CDH20: variants seen among roughly 807,000 people sequenced by gnomAD.
CDH20 encodes cadherin-20.
In CDH20, 29 loss-of-function variants were observed where a neutral mutation model predicts 74.2. That is an observed-to-expected ratio of 0.39 (90% CI 0.29 to 0.53). CDH20 has a LOEUF of 0.53. Ranked by LOEUF, CDH20 falls within the 20% of genes least tolerant of loss-of-function variation. CDH20 has a pLI of 0.69. For missense variants in CDH20, 988 were observed against 1,048.3 expected (o/e 0.94, Z 0.79); for synonymous variants, 469 against 405.4 (o/e 1.16, Z -1.88).
Position 61,554,037 on chromosome 18 carries a change from G to T in CDH20, c.1901-153G>T, listed in dbSNP as rs115353037. ...AAGAGGACAAAGTGGACTTAAATTA[G>T]AACTCCCCGAGGTTTCAGATATCCA... On this transcript the variant is annotated intron_variant, in intron 11 of 11. Transcript: ENST00000262717. Among the ~76,000 whole-genome samples the T allele has an allele frequency of 6.6e-3, 1,006 of 152,270 alleles. 11 individuals carry two copies. The highest frequency in any genetic ancestry group is 0.021 in the African/African-American group (890 of 41,544).
chr18:61,365,366 G>T (rs544724592), intron 1 of CDH20, among the ~76,000 whole-genome samples: 3 of 152,154 alleles, frequency 2.0e-5, no homozygotes, highest in Non-Finnish European at 2.9e-5. Flanking sequence ...ATATTAAATG[G>T]TCCCAGATGC....
chr18:61,420,978 G>A (rs1482118202), intron 1 of CDH20, among the ~76,000 whole-genome samples: 1 of 152,160 alleles, frequency 6.6e-6, no homozygotes, highest in Non-Finnish European at 1.5e-5. Context: ...TTGAACCTGG[G>A]AGGCAGAGGT....
chr18:61,509,084 T>C (rs1911687890), intron 6 of CDH20, among the ~76,000 whole-genome samples: 1 of 151,942 alleles, frequency 6.6e-6, no homozygotes, highest in Non-Finnish European at 1.5e-5. Context: ...GAAAGAGTGG[T>C]AGAGGGGCAA....
chr18:61,554,663 G>T lies in CDH20; in HGVS notation c.2374G>T (p.Gly792Trp), dbSNP rs767194637. ...PRFRKLAELY[G>W]ASEGPAPLW ...CTTCCGGAAGCTGGCCGAGCTCTAC[G>T]GGGCGTCGGAGGGACCCGCGCCGCT... The change falls in exon 12 of 12, where the codon GGG becomes TGG. Residue 792 changes from glycine to tryptophan, a missense_variant. Around this residue, in one of 2 missense-constraint regions of CDH20, gnomAD observed 375 missense variants for 293.1 expected, o/e 1.28. Transcript: ENST00000262717. The T allele has an allele frequency of 1.3e-6, 2 of 1,590,190 alleles. No homozygotes were observed. The highest frequency in any genetic ancestry group is 1.7e-6 in the Non-Finnish European group (2 of 1,168,552).
intron 1 of CDH20, among the ~76,000 whole-genome samples, chr18:61,362,072 GC>G (rs1910711059): frequency 6.6e-6 from 1 of 152,110 alleles, no homozygotes; most frequent in African/African-American, 2.4e-5. Flanking sequence ...CAAGTCTGAG[GC>G]AGATGGAGGA....
In CDH20 at chr18:61,476,137, T is replaced by C. The variant is rs556128214; in HGVS notation, c.-152-14265T>C. Among the ~76,000 whole-genome samples the C allele has an allele frequency of 1.2e-4, 19 of 152,218 alleles. No homozygotes were observed. In the South Asian group the frequency reaches 3.5e-3, roughly 28 times the overall value. ...CTCGCCACATCCCCGTTAAGATGCG[T>C]GTGGACTTTCAGTGACTCATAACCA... On this transcript the variant is annotated intron_variant, in intron 1 of 11. Transcript: ENST00000262717.
intron 1 of CDH20, among the ~76,000 whole-genome samples, chr18:61,403,620 C>T (rs1490798096): frequency 2.0e-5 from 3 of 152,150 alleles, no homozygotes; most frequent in African/African-American, 7.2e-5. Flanking sequence ...AGGCCTAATC[C>T]TGGAGTCAGA....
At chr18:61,492,831 G>A (rs1911006678) in intron 2 of CDH20, among the ~76,000 whole-genome samples, 3 of 152,142 alleles carry the variant, frequency 2.0e-5, no homozygotes, top group Admixed American at 2.0e-4. Flanking sequence ...CTCAATGAAA[G>A]CAAGAACATT....
chr18:61,545,928 C>T (rs1038645070), intron 10 of CDH20, among the ~76,000 whole-genome samples: 1 of 152,072 alleles, frequency 6.6e-6, no homozygotes, highest in African/African-American at 2.4e-5. Flanking sequence ...GCATTCAGAC[C>T]AGCTAAGGGG....
chr18:61,430,358 T>C (rs570254081), intron 1 of CDH20, among the ~76,000 whole-genome samples: 2 of 152,258 alleles, frequency 1.3e-5, no homozygotes, highest in South Asian at 4.1e-4. Flanking sequence ...AGAGGTAAAG[T>C]ACTATTCTCA....
At chr18:61,549,775 G>A (rs1913368921) in intron 10 of CDH20, 7 of 583,478 alleles carry the variant, frequency 1.2e-5, no homozygotes, top group Non-Finnish European at 1.8e-5. Flanking sequence ...TTAGGCCTCA[G>A]GGTTTTGCCT....
At chr18:61,489,366 C>T (rs542850526) in intron 1 of CDH20, among the ~76,000 whole-genome samples, 9 of 152,132 alleles carry the variant, frequency 5.9e-5, no homozygotes, top group Admixed American at 3.3e-4. Flanking sequence ...CAAATACACA[C>T]ATTTGTTCTC....
At position 61,442,218 on chromosome 18, in the gene CDH20, G is replaced by T. The variant is rs148747387; in HGVS notation, c.-152-48184G>T. ...AACTGAAAATTGGCCAGGCATGGTG[G>T]CATGTGCCTGTAGTCCCAGCTACTT... On this transcript the variant is annotated intron_variant, in intron 1 of 11. Transcript: ENST00000262717. Among the ~76,000 whole-genome samples the T allele has an allele frequency of 4.3e-3, 647 of 152,152 alleles. 4 individuals carry two copies. The highest frequency in any genetic ancestry group is 0.015 in the African/African-American group (635 of 41,514).
chr18:61,500,594 C>A, intron 4 of CDH20, 92 bp downstream of exon 4: 1 of 1,356,010 alleles, frequency 7.4e-7, no homozygotes, highest in Non-Finnish European at 1.0e-6. Context: ...TTTAAGGACT[C>A]TCCAGGGAGT....
chr18:61,410,614 C>A (rs1912462887), intron 1 of CDH20, among the ~76,000 whole-genome samples: 2 of 152,108 alleles, frequency 1.3e-5, no homozygotes, highest in East Asian at 1.9e-4. Flanking sequence ...AGAGATATGA[C>A]CTTTTGATAT....
intron 1 of CDH20, among the ~76,000 whole-genome samples, chr18:61,343,656 A>G (rs1012187937): frequency 2.0e-5 from 3 of 152,208 alleles, no homozygotes; most frequent in African/African-American, 7.2e-5. Flanking sequence ...GGGCTCAACA[A>G]CATGCCTTCC....
intron 1 of CDH20, among the ~76,000 whole-genome samples, chr18:61,431,737 C>A (rs1277839612): frequency 1.3e-5 from 2 of 152,098 alleles, no homozygotes; most frequent in African/African-American, 4.8e-5. Flanking sequence ...ATTTGAATTT[C>A]TTTGATGATT....
intron 1 of CDH20, among the ~76,000 whole-genome samples, chr18:61,367,560 T>C (rs1444673456): frequency 3.9e-5 from 6 of 152,200 alleles, no homozygotes; most frequent in Non-Finnish European, 7.3e-5. Context: ...TCCCAATCTC[T>C]AGATGCTGCT....
intron 7 of CDH20, among the ~76,000 whole-genome samples, chr18:61,532,837 C>T (rs1437471661): frequency 6.6e-6 from 1 of 152,126 alleles, no homozygotes; most frequent in East Asian, 1.9e-4. Context: ...ATTTTGAACC[C>T]AATATATTTC....
Sources: gnomAD v4.1 joint callset for allele counts (sites outside exome capture counted in the v4.1 genomes callset) on GRCh38, gnomAD v4.1.1 for gene constraint, gnomAD v4.1.1 regional missense constraint, MANE v1.5 for transcripts, NCBI Gene and HGNC (gene_info 2026-07-23, HGNC 2026-07-21) for gene names.